CNTNAP2: variants seen among roughly 807,000 people sequenced by gnomAD.
CNTNAP2 encodes contactin associated protein 2.
Under a neutral mutation model 155.2 loss-of-function variants are expected in CNTNAP2, and 98 were observed. The observed-to-expected ratio is 0.63, with a 90% CI of 0.54 to 0.75. The LOEUF (loss-of-function observed/expected upper bound fraction) is 0.75. Among genes scored for constraint, CNTNAP2 ranks in the 30% least tolerant of loss-of-function variants. CNTNAP2 has a pLI of 0.00. For missense variants in CNTNAP2, 1,727 were observed against 1,688.1 expected, an observed-to-expected ratio of 1.02 and a Z score of -0.40; for synonymous variants, 651 against 631.2, an observed-to-expected ratio of 1.03 and a Z score of -0.47.
rs375253582 is a variant in CNTNAP2, at chr7:147,511,551, G to A, written c.1777+25510G>A. Among the ~76,000 whole-genome samples, 107 of 150,682 alleles carry A rather than the reference G, an allele frequency of 7.1e-4. 1 individual carries two copies. Among genetic ancestry groups the A allele is most frequent in the African/African-American group, 2.4e-3 (100 of 40,914 alleles). On this transcript the variant is annotated intron_variant, in intron 11 of 23. Transcript: ENST00000361727. The stretch of plus-strand genomic sequence containing the variant: ...TGAGTTTTATCCCAGATCTAGTATC[G>A]TGGGGCATATTTTTTATGTGTACAT...
intron 16 of CNTNAP2, among the ~76,000 whole-genome samples, chr7:148,119,008 C>T (rs1804539111): frequency 6.6e-6 from 1 of 152,152 alleles, no homozygotes; most frequent in Non-Finnish European, 1.5e-5. Context: ...GCTTGCCCTA[C>T]CTGGACCCTT....
intron 12 of CNTNAP2, among the ~76,000 whole-genome samples, chr7:147,628,905 T>C (rs1312643973): frequency 7.1e-6 from 1 of 140,938 alleles, no homozygotes; most frequent in African/African-American, 2.6e-5. Flanking sequence ...AGGAACGTTA[T>C]AAAATGATAA....
chr7:147,676,888 C>T (rs1795876727), intron 13 of CNTNAP2, among the ~76,000 whole-genome samples: 4 of 151,886 alleles, frequency 2.6e-5, no homozygotes, highest in Admixed American at 1.3e-4. Context: ...TGTATACATA[C>T]AGCATTTTCT....
At chr7:147,978,164 C>T in intron 15 of CNTNAP2, 175 bp downstream of exon 15, 1 of 833,094 alleles carries the variant, frequency 1.2e-6, no homozygotes, top group Non-Finnish European at 1.9e-6. Flanking sequence ...GCCTCCAGTA[C>T]AGGAGCCGAG....
At chr7:146,329,309 A>G (rs1267436796) in intron 1 of CNTNAP2, among the ~76,000 whole-genome samples, 1 of 152,146 alleles carries the variant, frequency 6.6e-6, no homozygotes, top group Non-Finnish European at 1.5e-5. Flanking sequence ...TTAACCTATC[A>G]TGTTCCAAAC....
At chr7:148,338,088 C>T (rs1054622000) in intron 21 of CNTNAP2, among the ~76,000 whole-genome samples, 2 of 152,122 alleles carry the variant, frequency 1.3e-5, no homozygotes, top group Non-Finnish European at 2.9e-5. Context: ...TTTGTTGTCC[C>T]CCTCATCCTG....
chr7:147,608,319 T>C lies in CNTNAP2; in HGVS notation c.1898-30787T>C, dbSNP rs1801112649. On this transcript the variant is annotated intron_variant, in intron 12 of 23. Transcript: ENST00000361727. ...TTTAGTATCTTATAAATATTGTAAG[T>C]AAAGGTCAAATTCCACAGGGGTCTA... is the stretch of plus-strand genomic sequence containing the variant. 2.0e-5 allele frequency among the ~76,000 whole-genome samples: 3 copies of C among 152,152 alleles called. No individual in the cohort carries two copies. The South Asian group carries it at 6.2e-4, about 32-fold the overall frequency.
At chr7:147,034,683 G>T (rs1584795976) in intron 3 of CNTNAP2, among the ~76,000 whole-genome samples, 1 of 152,268 alleles carries the variant, frequency 6.6e-6, no homozygotes, top group Middle Eastern at 3.4e-3. Context: ...GGGTCTCAGC[G>T]AGGTGGATGG....
At chr7:147,389,967 T>C (rs1472635754) in intron 9 of CNTNAP2, among the ~76,000 whole-genome samples, 1 of 152,192 alleles carries the variant, frequency 6.6e-6, no homozygotes, top group African/African-American at 2.4e-5. Context: ...CAAATTTATA[T>C]TACCAAAAAA....
intron 3 of CNTNAP2, among the ~76,000 whole-genome samples, chr7:146,989,175 T>A (rs1478642360): frequency 6.6e-6 from 1 of 151,918 alleles, no homozygotes; most frequent in Non-Finnish European, 1.5e-5. Flanking sequence ...CATGTAGGGG[T>A]GCTCTTGGGA....
intron 10 of CNTNAP2, among the ~76,000 whole-genome samples, chr7:147,418,754 G>A (rs991338507): frequency 6.6e-6 from 1 of 152,102 alleles, no homozygotes; most frequent in Non-Finnish European, 1.5e-5. Flanking sequence ...TTATTCAAAG[G>A]ACAAAAGTCA....
intron 11 of CNTNAP2, among the ~76,000 whole-genome samples, chr7:147,522,383 G>GC (rs1478775481): frequency 6.6e-6 from 1 of 152,096 alleles, no homozygotes; most frequent in Non-Finnish European, 1.5e-5. Context: ...TTCAATAAAT[G>GC]CCTGGGGAAC....
At chr7:148,199,626 T>C (rs528220656) in intron 18 of CNTNAP2, among the ~76,000 whole-genome samples, 63 of 152,182 alleles carry the variant, frequency 4.1e-4, no homozygotes, top group Non-Finnish European at 6.9e-4. Flanking sequence ...CATGTGGAGG[T>C]TGGGCACTTG....
intron 1 of CNTNAP2, among the ~76,000 whole-genome samples, chr7:146,733,578 T>C (rs13241391): frequency 0.017 from 2,567 of 152,240 alleles, 34 homozygotes; most frequent in Non-Finnish European, 0.029. Flanking sequence ...TAAGATTAAG[T>C]GACATTTACT....
intron 8 of CNTNAP2, among the ~76,000 whole-genome samples, chr7:147,238,402 GACACAC>G (rs147589329): frequency 2.7e-5 from 4 of 149,168 alleles, no homozygotes; most frequent in African/African-American, 7.4e-5. Flanking sequence ...TATGTGTGCA[GACACAC>G]ACACACACAC....
chr7:146,178,870 G>C (rs56370721), intron 1 of CNTNAP2, among the ~76,000 whole-genome samples: 5,050 of 152,242 alleles, frequency 0.033, 282 homozygotes, highest in African/African-American at 0.12. Context: ...AATTTAGCTA[G>C]TTTCCTATCT....
chr7:147,557,877 C>T (rs888841893), intron 11 of CNTNAP2, among the ~76,000 whole-genome samples: 1 of 152,106 alleles, frequency 6.6e-6, no homozygotes, highest in Non-Finnish European at 1.5e-5. Flanking sequence ...CAACTTAATA[C>T]CTCAATTTTA....
chr7:147,877,324 C>A (rs182862370), intron 13 of CNTNAP2, among the ~76,000 whole-genome samples: 1 of 152,104 alleles, frequency 6.6e-6, no homozygotes, highest in Non-Finnish European at 1.5e-5. Flanking sequence ...GTTAACCAAT[C>A]GGTCAGTCCA....
chr7:147,623,956 T>A (rs1000429325), intron 12 of CNTNAP2, among the ~76,000 whole-genome samples: 1 of 151,690 alleles, frequency 6.6e-6, no homozygotes. Context: ...CAGAAACAAA[T>A]CCACACAGCT....
Sources: gnomAD v4.1 joint callset for allele counts (sites outside exome capture counted in the v4.1 genomes callset) on GRCh38, gnomAD v4.1.1 for gene constraint, MANE v1.5 for transcripts, NCBI Gene and HGNC (gene_info 2026-07-23, HGNC 2026-07-21) for gene names.